Variants in GPC5 observed in about 807,000 individuals in gnomAD.
The protein encoded by GPC5 is glypican 5.
A neutral mutation model predicts 53.9 loss-of-function variants in GPC5; 47 were observed. That is an observed-to-expected ratio of 0.87 (90% CI 0.69 to 1.11). The LOEUF is 1.11. Ranked by LOEUF, GPC5 falls within the 50% of genes most tolerant of loss-of-function variation. The pLI is 0.00. For synonymous variants in GPC5, 286 were observed against 263.3 expected (o/e 1.09, Z -0.84); for missense variants, 748 against 713.1 (o/e 1.05, Z -0.56).
intron 2 of GPC5, among the ~76,000 whole-genome samples, chr13:91,514,554 G>A (rs987458389): frequency 1.3e-5 from 2 of 151,846 alleles, no homozygotes; most frequent in Non-Finnish European, 2.9e-5. Context: ...TGTTTGATAT[G>A]TGGTTTCTAA....
At chr13:92,156,375 C>T (rs549172460) in intron 7 of GPC5, among the ~76,000 whole-genome samples, 69 of 152,120 alleles carry the variant, frequency 4.5e-4, no homozygotes, top group Non-Finnish European at 8.1e-4. Context: ...TAAATGTTCA[C>T]AGTTCTCTGC....
At chr13:92,311,842 C>A (rs1006859168) in intron 7 of GPC5, among the ~76,000 whole-genome samples, 5 of 152,046 alleles carry the variant, frequency 3.3e-5, no homozygotes, top group African/African-American at 1.2e-4. Context: ...GCAAATTGTT[C>A]TTTGGGAGAA....
At chr13:92,584,057 C>T (rs942228585) in intron 7 of GPC5, among the ~76,000 whole-genome samples, 11 of 152,132 alleles carry the variant, frequency 7.2e-5, no homozygotes, top group Non-Finnish European at 1.3e-4. Context: ...TTAGATATGT[C>T]TTTATCAGCA....
intron 7 of GPC5, among the ~76,000 whole-genome samples, chr13:92,430,453 A>C (rs573179408): frequency 1.4e-4 from 22 of 152,116 alleles, no homozygotes; most frequent in Non-Finnish European, 2.8e-4. Context: ...ATCTCAATGA[A>C]GTTATTTGAG....
At chr13:92,327,226 C>T (rs902640248) in intron 7 of GPC5, among the ~76,000 whole-genome samples, 18 of 152,128 alleles carry the variant, frequency 1.2e-4, no homozygotes, top group African/African-American at 4.3e-4. Flanking sequence ...AGCCAAACGC[C>T]CAGGTTTAAT....
chr13:92,851,749 C>T (rs1206891247), intron 7 of GPC5, among the ~76,000 whole-genome samples: 2 of 150,666 alleles, frequency 1.3e-5, no homozygotes, highest in South Asian at 2.1e-4. Flanking sequence ...ATTAGCCAGG[C>T]GTGGTGGTGG....
chr13:92,843,314 T>G (rs1878495492), intron 7 of GPC5, among the ~76,000 whole-genome samples: 1 of 152,170 alleles, frequency 6.6e-6, no homozygotes, highest in African/African-American at 2.4e-5. Flanking sequence ...GACTAAATTT[T>G]TGAGTCTAAT....
intron 6 of GPC5, among the ~76,000 whole-genome samples, chr13:92,142,026 C>G (rs760284138): frequency 6.6e-6 from 1 of 152,106 alleles, no homozygotes; most frequent in African/African-American, 2.4e-5. Flanking sequence ...GAATGTCTAA[C>G]TTCTGGTGAT....
chr13:91,834,842 A>G (rs2038704810), intron 5 of GPC5, among the ~76,000 whole-genome samples: 1 of 152,194 alleles, frequency 6.6e-6, no homozygotes, highest in Non-Finnish European at 1.5e-5. Flanking sequence ...ATGGGCAAGG[A>G]CTTCATAACT....
chr13:92,457,055 T>C (rs542642213), intron 7 of GPC5, among the ~76,000 whole-genome samples: 18 of 152,134 alleles, frequency 1.2e-4, no homozygotes, highest in African/African-American at 4.3e-4. Context: ...TTTATGTCCA[T>C]GTGTACTCAA....
intron 2 of GPC5, among the ~76,000 whole-genome samples, chr13:91,535,974 A>G (rs1886573161): frequency 6.6e-6 from 1 of 152,222 alleles, no homozygotes. Flanking sequence ...GAATCATGAT[A>G]CAAATATGAA....
At chr13:92,851,697 C>T (rs140575990) in intron 7 of GPC5, among the ~76,000 whole-genome samples, 3,125 of 149,390 alleles carry the variant, frequency 0.021, 135 homozygotes, top group African/African-American at 0.073. Context: ...CTGGCTAACA[C>T]GGTGAAACTC....
intron 2 of GPC5, among the ~76,000 whole-genome samples, chr13:91,530,519 T>A (rs1279113433): frequency 6.6e-6 from 1 of 152,200 alleles, no homozygotes; most frequent in Non-Finnish European, 1.5e-5. Context: ...TTTTAAACAT[T>A]GAAAAATCCT....
At chr13:92,280,733 A>G (rs1273949296) in intron 7 of GPC5, among the ~76,000 whole-genome samples, 2 of 152,276 alleles carry the variant, frequency 1.3e-5, no homozygotes, top group East Asian at 3.9e-4. Flanking sequence ...TATGACTAGT[A>G]TTCTTATAAG....
chr13:91,540,638 T>A (rs2029880969), intron 2 of GPC5, among the ~76,000 whole-genome samples: 1 of 152,212 alleles, frequency 6.6e-6, no homozygotes, highest in East Asian at 1.9e-4. Context: ...ATAAAGCAGT[T>A]ACATATCTAA....
chr13:92,027,301 A>G (rs908784334), intron 6 of GPC5, among the ~76,000 whole-genome samples: 1 of 152,154 alleles, frequency 6.6e-6, no homozygotes, highest in African/African-American at 2.4e-5. Context: ...ATTGTACATT[A>G]TGTTCTCACT....
At chr13:92,159,850 C>A (rs564813247) in intron 7 of GPC5, among the ~76,000 whole-genome samples, 1 of 151,904 alleles carries the variant, frequency 6.6e-6, no homozygotes, top group South Asian at 2.1e-4. Flanking sequence ...GATCTGCCCA[C>A]CTAGGCCTCC....
intron 5 of GPC5, among the ~76,000 whole-genome samples, chr13:91,851,524 AG>A (rs1246213875): frequency 6.6e-6 from 1 of 151,704 alleles, no homozygotes; most frequent in African/African-American, 2.4e-5. Flanking sequence ...TTATACTTCA[AG>A]TTTTAGGGTA....
In GPC5 at chr13:91,777,160, A is replaced by T. The variant is rs528027772; in HGVS notation, c.1280+20740A>T. Among the ~76,000 whole-genome samples, 3 of 152,272 alleles carry T rather than the reference A, an allele frequency of 2.0e-5. No homozygotes were observed. The East Asian group carries it at 5.8e-4, about 29-fold the overall frequency. On this transcript the variant is annotated intron_variant, in intron 5 of 7. Coordinates refer to ENST00000377067, the MANE Select transcript of GPC5 (RefSeq NM_004466.6). ...ATTTGCTGGATAATATTGAATACAG[A>T]CATGTTTATTATTTGTCATTTTCAT...
Sources: gnomAD v4.1 joint callset for allele counts (sites outside exome capture counted in the v4.1 genomes callset) on GRCh38, gnomAD v4.1.1 for gene constraint, MANE v1.5 for transcripts, NCBI Gene and HGNC (gene_info 2026-07-23, HGNC 2026-07-21) for gene names.